Variants in TMEM237 observed in about 807,000 individuals in gnomAD.
TMEM237 encodes transmembrane protein 237.
A neutral mutation model predicts 59.1 loss-of-function variants in TMEM237; 51 were observed. That is an observed-to-expected ratio of 0.86 (90% CI 0.69 to 1.09). The LOEUF is 1.09. Ranked by LOEUF, TMEM237 falls within the 50% of genes least tolerant of loss-of-function variation. TMEM237 has a pLI of 0.00. For synonymous variants in TMEM237, 140 were observed against 166.1 expected (o/e 0.84, Z 1.21); for missense variants, 475 against 478.3 (o/e 0.99, Z 0.06).
At chr2:201,640,834 ACT>A in intron 2 of TMEM237, 57 bp downstream of exon 2, 1 of 1,396,342 alleles carries the variant, frequency 7.2e-7, no homozygotes. Flanking sequence ...CAATTTTTCC[ACT>A]GTCTTCATTT....
chr2:201,637,763 T>A lies in TMEM237; in HGVS notation c.137-878A>T, dbSNP rs1191610811. Among the ~76,000 whole-genome samples the A allele has an allele frequency of 2.4e-3, 333 of 139,490 alleles. 2 individuals are homozygous for A. The highest frequency in any genetic ancestry group is 7.1e-3 in the African/African-American group (267 of 37,512). The allele number at this position is 139,490 out of a possible 152,430, so 91.5% of individuals were successfully genotyped here. A position where few individuals can be genotyped will look rare whatever the true frequency, so the allele number is the denominator to read the frequency against. ...CCGTCTCAAAAAAAAAAAAAAAAAA[T>A]AGAAATGTATCAATAAACAAATGAA... On this transcript the variant is annotated intron_variant, in intron 4 of 12. Transcript: ENST00000409883.
At chr2:201,627,243 A>T in intron 11 of TMEM237, 78 bp downstream of exon 11, 1 of 969,412 alleles carries the variant, frequency 1.0e-6, no homozygotes, top group South Asian at 1.6e-5. Flanking sequence ...CATTATTTGC[A>T]GTTGAAAAAG....
Position 201,626,166 on chromosome 2 carries a change from T to A in TMEM237, c.1038-19A>T. ...TGCTTCCCTAAAAATGTAGAAACAC[T>A]CATTAGAAGTGCCTTCAGTTTGGTT... is the stretch of plus-strand genomic sequence containing the variant. On this transcript the variant is annotated intron_variant, in intron 11 of 12. Coordinates refer to ENST00000409883, the MANE Select transcript of TMEM237 (RefSeq NM_001044385.3). 9 of 1,607,018 alleles carry A rather than the reference T, an allele frequency of 5.6e-6. No homozygotes were observed. The highest frequency in any genetic ancestry group is 7.6e-6 in the Non-Finnish European group (9 of 1,176,968).
chr2:201,631,682 C>T (rs894234343), intron 7 of TMEM237, among the ~76,000 whole-genome samples: 16 of 152,216 alleles, frequency 1.1e-4, no homozygotes, highest in African/African-American at 3.9e-4. Flanking sequence ...ATATTTGAGC[C>T]TATTTCCTTC....
chr2:201,623,328 G>C lies in TMEM237; in HGVS notation c.*927C>G, dbSNP rs1334493780. The C allele has an allele frequency of 6.3e-6, 2 of 317,822 alleles. No individual in the cohort carries two copies. Among genetic ancestry groups the C allele is most frequent in the African/African-American group, 4.3e-5 (2 of 46,860 alleles). 19.7% of individuals were successfully genotyped at this position (317,822 alleles called of 1,614,324 possible). On this transcript the variant is annotated 3_prime_UTR_variant, in exon 13 of 13. Coordinates refer to ENST00000409883, the MANE Select transcript of TMEM237 (RefSeq NM_001044385.3). ...ATATACAACAGCTGAGGTACCATTG[G>C]ATATAGTTCTGAAGAGATCTTTCCC...
At chr2:201,624,881 C>T (rs1957743373) in intron 12 of TMEM237, among the ~76,000 whole-genome samples, 1 of 152,214 alleles carries the variant, frequency 6.6e-6, no homozygotes, top group African/African-American at 2.4e-5. Flanking sequence ...CTGAATACTG[C>T]ACAATCCAGA....
chr2:201,637,744 CAAA>C (rs60167652), intron 4 of TMEM237, among the ~76,000 whole-genome samples: 2 of 63,406 alleles, frequency 3.2e-5, no homozygotes, highest in Admixed American at 1.8e-4. Flanking sequence ...GACTCCGTCT[CAAA>C]AAAAAAAAAA....
chr2:201,641,117 A>G (rs1225095177), intron 1 of TMEM237, among the ~76,000 whole-genome samples, 193 bp from the exon 2 acceptor site: 4 of 151,656 alleles, frequency 2.6e-5, no homozygotes, highest in East Asian at 1.9e-4. Context: ...TCAGCCTCCC[A>G]AGTAGCTGGG....
intron 12 of TMEM237, among the ~76,000 whole-genome samples, chr2:201,624,577 T>A (rs1278807412): frequency 6.6e-6 from 1 of 152,148 alleles, no homozygotes; most frequent in East Asian, 1.9e-4. Flanking sequence ...AGAGACAATA[T>A]ACACAATCCT....
At chr2:201,630,563 G>T (rs147491511) in intron 7 of TMEM237, among the ~76,000 whole-genome samples, 1 of 152,258 alleles carries the variant, frequency 6.6e-6, no homozygotes, top group East Asian at 1.9e-4. Flanking sequence ...TGAAAGACAG[G>T]GGTGTGACAA....
intron 3 of TMEM237, among the ~76,000 whole-genome samples, chr2:201,640,026 A>G (rs1232436069): frequency 1.3e-5 from 2 of 152,240 alleles, no homozygotes; most frequent in African/African-American, 2.4e-5. Context: ...CAAATTAGCC[A>G]ACAGTTATGT....
At position 201,629,109 on chromosome 2, in the gene TMEM237, A is replaced by C. The variant is rs16837904; in HGVS notation, c.869+121T>G. 453 of 752,974 alleles carry C rather than the reference A, an allele frequency of 6.0e-4. 3 individuals are homozygous for C. The African/African-American group carries it at 7.0e-3, about 12-fold the overall frequency. The allele number at this position is 752,974 out of a possible 1,614,324, so 46.6% of individuals were successfully genotyped here. ...AGAACAGAAGTAGACTGGCCTTAAA[A>C]CTTTTTGAAGTAACATTGATACTCT... is the stretch of plus-strand genomic sequence containing the variant. On this transcript the variant is annotated intron_variant, in intron 9 of 12. Transcript: ENST00000409883.
intron 1 of TMEM237, among the ~76,000 whole-genome samples, chr2:201,641,495 G>A (rs905389346): frequency 1.4e-4 from 21 of 151,802 alleles, no homozygotes; most frequent in Admixed American, 1.0e-3. Flanking sequence ...TCCATCTCTA[G>A]GCCAGGCCCT....
At chr2:201,625,670 T>C (rs529385023) in intron 12 of TMEM237, among the ~76,000 whole-genome samples, 2 of 152,312 alleles carry the variant, frequency 1.3e-5, no homozygotes, top group East Asian at 1.9e-4. Context: ...AGAGAGGCTA[T>C]GTAGACAAAG....
At chr2:201,638,861 A>T in intron 4 of TMEM237, 128 bp downstream of exon 4, 2 of 942,988 alleles carry the variant, frequency 2.1e-6, no homozygotes, top group Non-Finnish European at 3.2e-6. Context: ...AACTGGCCTT[A>T]ATTCTATCCT....
Position 201,632,175 on chromosome 2 carries a change from A to G in TMEM237, c.429T>C (p.Asn143=). 1 of 1,613,676 alleles carries G rather than the reference A, an allele frequency of 6.2e-7. No homozygotes were observed. Among genetic ancestry groups the G allele is most frequent in the South Asian group, 1.1e-5 (1 of 91,074 alleles). The part of the protein sequence containing the change: ...KTQPAELQYA[N]ELGVEDEDII... The stretch of plus-strand genomic sequence containing the variant: ...TGTCTTCATCTTCTACTCCTAGCTC[A>G]TTGGCATACTGTAATTCTGCTGGCT... The change falls in exon 7 of 13, where the codon AAT becomes AAC. Residue 143 remains asparagine, a synonymous_variant. Coordinates refer to ENST00000409883, the MANE Select transcript of TMEM237 (RefSeq NM_001044385.3).
chr2:201,622,502 T>C lies in TMEM237; in HGVS notation c.*1753A>G, dbSNP rs1376880692. Reference sequence around the variant, plus strand: ...GACTGAAATCCATTTCCTTGCTCATTGTTGGCCAAGGGCCGTACTCAGCTG... The same window carrying C: ...GACTGAAATCCATTTCCTTGCTCATCGTTGGCCAAGGGCCGTACTCAGCTG... On this transcript the variant is annotated 3_prime_UTR_variant, in exon 13 of 13. Transcript: ENST00000409883. 1 of 152,322 alleles carries C rather than the reference T, an allele frequency of 6.6e-6. No individual in the cohort carries two copies. The highest frequency in any genetic ancestry group is 2.4e-5 in the African/African-American group (1 of 41,456). 9.4% of individuals were successfully genotyped at this position (152,322 alleles called of 1,614,324 possible).
chr2:201,633,670 C>T lies in TMEM237; in HGVS notation c.275-239G>A, dbSNP rs142652116. On this transcript the variant is annotated intron_variant, in intron 5 of 12. Coordinates refer to ENST00000409883, the MANE Select transcript of TMEM237 (RefSeq NM_001044385.3). ...TAAGTAACCCAATACCCAGGCTGTGCTGAAGATTCCCAAGATTATCTCCTG... is the reference window on the plus strand; with the variant it reads ...TAAGTAACCCAATACCCAGGCTGTGTTGAAGATTCCCAAGATTATCTCCTG... Among the ~76,000 whole-genome samples, 328 of 152,280 alleles carry T rather than the reference C, an allele frequency of 2.2e-3. 1 individual carries two copies. Among genetic ancestry groups the T allele is most frequent in the African/African-American group, 7.3e-3 (302 of 41,552 alleles).
chr2:201,629,940 G>A lies in TMEM237; in HGVS notation c.554-88C>T, dbSNP rs146817972. On this transcript the variant is annotated intron_variant, in intron 7 of 12. Coordinates refer to ENST00000409883, the MANE Select transcript of TMEM237 (RefSeq NM_001044385.3). Reference sequence around the variant, plus strand: ...TTTTAAATTCCATACTCAGGAAGCCGCAAACTAAGACTGAAATATTGCTGT... The same window carrying A: ...TTTTAAATTCCATACTCAGGAAGCCACAAACTAAGACTGAAATATTGCTGT... 3.5e-3 allele frequency: 5,265 copies of A among 1,511,288 alleles called. 15 individuals are homozygous for A. The highest frequency in any genetic ancestry group is 4.6e-3 in the Middle Eastern group (26 of 5,690). 93.6% of individuals were successfully genotyped at this position (1,511,288 alleles called of 1,614,324 possible).
Sources: allele counts gnomAD v4.1 joint callset (sites outside exome capture counted in the v4.1 genomes callset), GRCh38; gene constraint gnomAD v4.1.1; transcripts MANE v1.5; gene names NCBI Gene and HGNC (gene_info 2026-07-23, HGNC 2026-07-21).